Variants in DPP6 observed in about 807,000 individuals in gnomAD.
DPP6 encodes A-type potassium channel modulatory protein DPP6.
In DPP6, 69 loss-of-function variants were observed where a neutral mutation model predicts 122.6. The ratio of observed to expected loss-of-function variants is 0.56; its 90% CI spans 0.46 to 0.69. The LOEUF (loss-of-function observed/expected upper bound fraction) is 0.69. Ranked by LOEUF, DPP6 falls within the 30% of genes least tolerant of loss-of-function variation. DPP6 has a pLI of 0.00. For missense variants in DPP6, 928 were observed against 1,116.9 expected (o/e 0.83, Z 2.41); for synonymous variants, 418 against 433.1 (o/e 0.97, Z 0.43).
chr7:154,085,905 A>G (rs924848364), intron 1 of DPP6, among the ~76,000 whole-genome samples: 1 of 151,946 alleles, frequency 6.6e-6, no homozygotes, highest in Non-Finnish European at 1.5e-5. Flanking sequence ...TTTTTCGTAT[A>G]TTTAGCAAGA....
intron 5 of DPP6, among the ~76,000 whole-genome samples, chr7:154,596,901 T>G (rs6597417): frequency 0.59 from 89,811 of 151,802 alleles, 27,026 homozygotes; most frequent in African/African-American, 0.7. Context: ...TAGGAAATTT[T>G]AAAATATGAG....
intron 4 of DPP6, among the ~76,000 whole-genome samples, chr7:154,545,391 T>C (rs1442841296): frequency 6.6e-6 from 1 of 152,110 alleles, no homozygotes; most frequent in Non-Finnish European, 1.5e-5. Context: ...CATGAATTTT[T>C]ATCTTCTGAG....
chr7:154,472,793 A>T (rs1407976133), intron 2 of DPP6, among the ~76,000 whole-genome samples: 2 of 152,248 alleles, frequency 1.3e-5, no homozygotes, highest in East Asian at 3.8e-4. Context: ...TTAAGGACAG[A>T]GTCATGTCCT....
the DPP6 span, among the ~76,000 whole-genome samples, chr7:153,815,930 G>GC: frequency 1.3e-5 from 2 of 152,060 alleles, no homozygotes; most frequent in Non-Finnish European, 2.9e-5. Context: ...ATAAGGAATG[G>GC]CCAATGTTTG....
At chr7:154,063,467 G>T in intron 1 of DPP6, among the ~76,000 whole-genome samples, 1 of 133,510 alleles carries the variant, frequency 7.5e-6, no homozygotes, top group African/African-American at 2.7e-5. Context: ...CGCGAGGCAG[G>T]GACTGAGAGC....
At chr7:154,365,126 A>G (rs1048531245) in intron 1 of DPP6, among the ~76,000 whole-genome samples, 2 of 152,210 alleles carry the variant, frequency 1.3e-5, no homozygotes, top group African/African-American at 4.8e-5. Flanking sequence ...AAGCAGCTTC[A>G]TCCACCATTA....
chr7:154,340,747 G>A (rs1167668139), intron 1 of DPP6, among the ~76,000 whole-genome samples: 2 of 152,114 alleles, frequency 1.3e-5, no homozygotes, highest in Non-Finnish European at 1.5e-5. Flanking sequence ...ATACGTTATT[G>A]CAATTAATAC....
chr7:154,681,792 T>C (rs1305617835), intron 7 of DPP6, among the ~76,000 whole-genome samples: 2 of 152,232 alleles, frequency 1.3e-5, no homozygotes, highest in Non-Finnish European at 2.9e-5. Context: ...TGCGACCTTT[T>C]CTTCCTTTAA....
At chr7:153,754,981 A>G in the DPP6 span, among the ~76,000 whole-genome samples, 1 of 152,154 alleles carries the variant, frequency 6.6e-6, no homozygotes, top group African/African-American at 2.4e-5. Flanking sequence ...CTCTTGTATG[A>G]TAATTCTAAC....
Position 154,063,444 on chromosome 7 carries a change from G to C in DPP6, c.243+10381G>C, listed in dbSNP as rs1347311210. On this transcript the variant is annotated intron_variant, in intron 1 of 25. Transcript: ENST00000377770. ...CTGTTGGTACCCCCATCGCAAGGGG[G>C]GGAGGCACCTCCCGCGAGGCAGGGA... is the stretch of plus-strand genomic sequence containing the variant. Among the ~76,000 whole-genome samples the C allele has an allele frequency of 6.1e-4, 77 of 126,030 alleles. 14 individuals are homozygous for C. The highest frequency in any genetic ancestry group is 9.7e-4 in the Non-Finnish European group (58 of 59,684). 82.7% of individuals were successfully genotyped at this position (126,030 alleles called of 152,430 possible). A position where few individuals can be genotyped will look rare whatever the true frequency, so the allele number is the denominator to read the frequency against.
chr7:154,053,695 C>G (rs534883551), intron 1 of DPP6, among the ~76,000 whole-genome samples: 1 of 152,336 alleles, frequency 6.6e-6, no homozygotes, highest in South Asian at 2.1e-4. Context: ...CAGGGCCCAG[C>G]TCTTTTGCTG....
intron 1 of DPP6, among the ~76,000 whole-genome samples, chr7:154,104,129 C>T (rs1253759349): frequency 6.6e-6 from 1 of 152,232 alleles, no homozygotes; most frequent in African/African-American, 2.4e-5. Flanking sequence ...TCTTCTTTGC[C>T]ACGTTCACTT....
chr7:154,338,292 C>A (rs1809610488), intron 1 of DPP6, among the ~76,000 whole-genome samples: 1 of 152,060 alleles, frequency 6.6e-6, no homozygotes, highest in African/African-American at 2.4e-5. Flanking sequence ...ATCTGAAAGG[C>A]CTTTTTTGAA....
At chr7:154,469,074 T>C (rs536481225) in intron 2 of DPP6, among the ~76,000 whole-genome samples, 39 of 152,340 alleles carry the variant, frequency 2.6e-4, no homozygotes, top group Admixed American at 1.2e-3. Flanking sequence ...GAAGTTGCGA[T>C]TCCTAACTAA....
chr7:154,639,021 C>T (rs1448976610), intron 6 of DPP6, among the ~76,000 whole-genome samples: 3 of 152,166 alleles, frequency 2.0e-5, no homozygotes, highest in Non-Finnish European at 2.9e-5. Context: ...ATCCTCATTT[C>T]CCAAGCAAAT....
At chr7:154,559,611 C>T (rs377616128) in intron 4 of DPP6, among the ~76,000 whole-genome samples, 7 of 152,084 alleles carry the variant, frequency 4.6e-5, no homozygotes, top group African/African-American at 1.7e-4. Flanking sequence ...AGGAGCGAGA[C>T]GTGTTTGGAA....
At chr7:154,575,154 GTC>G (rs1831479214) in intron 5 of DPP6, among the ~76,000 whole-genome samples, 2 of 136,060 alleles carry the variant, frequency 1.5e-5, no homozygotes, top group African/African-American at 2.8e-5. Flanking sequence ...TGTGTGTGTG[GTC>G]TGTGTGTATG....
the DPP6 span, among the ~76,000 whole-genome samples, chr7:153,821,945 G>A: frequency 2.4e-4 from 37 of 152,180 alleles, no homozygotes; most frequent in African/African-American, 8.2e-4. Flanking sequence ...TTATACAGCT[G>A]GGGACCTACA....
rs1799564359 is a variant in DPP6, at chr7:153,899,790, G to A, written c.51+12056G>A. 2.0e-5 allele frequency among the ~76,000 whole-genome samples: 3 copies of A among 152,224 alleles called. No homozygotes were observed. The South Asian group carries it at 6.2e-4, about 32-fold the overall frequency. ...AGTGTGTAGGTGAGTGTGAATGTGTGTGCACAGGCAGGTGCAGGTGTGTAC... is the reference window on the plus strand; with the variant it reads ...AGTGTGTAGGTGAGTGTGAATGTGTATGCACAGGCAGGTGCAGGTGTGTAC... On this transcript the variant is annotated intron_variant, in intron 1 of 25. Coordinates refer to the DPP6 transcript ENST00000404039.
Sources: allele counts gnomAD v4.1 joint callset (sites outside exome capture counted in the v4.1 genomes callset), GRCh38; gene constraint gnomAD v4.1.1; transcripts MANE v1.5; gene names NCBI Gene and HGNC (gene_info 2026-07-23, HGNC 2026-07-21).